Variants in ANK2 observed in about 807,000 individuals in gnomAD.
The protein encoded by ANK2 is ankyrin-2.
ANK2 carries 83 observed loss-of-function variants against 360.5 expected under a neutral mutation model. That is an observed-to-expected ratio of 0.23 (90% CI 0.19 to 0.28). The LOEUF (loss-of-function observed/expected upper bound fraction) is 0.28. ANK2 is among the 10% of genes least tolerant of loss of function. The probability of loss-of-function intolerance (pLI) is 1.00; values close to 1 mark genes in which losing one functional copy is unlikely to be tolerated. For missense variants in ANK2, 4,201 were observed against 4,795.7 expected (o/e 0.88, Z 3.66); for synonymous variants, 1,740 against 1,759.5 (o/e 0.99, Z 0.28).
chr4:113,071,254 C>T (rs890643873), intron 1 of ANK2, among the ~76,000 whole-genome samples: 1 of 152,202 alleles, frequency 6.6e-6, no homozygotes, highest in African/African-American at 2.4e-5. Flanking sequence ...GGTACAAGCA[C>T]TGGCGCGTGT....
chr4:113,275,813 C>T (rs1296459283), intron 15 of ANK2, among the ~76,000 whole-genome samples: 1 of 149,816 alleles, frequency 6.7e-6, no homozygotes, highest in Admixed American at 6.7e-5. Context: ...AATTAAGATA[C>T]ATAAAATACA....
chr4:112,777,259 G>C, the ANK2 span, among the ~76,000 whole-genome samples: 1 of 152,166 alleles, frequency 6.6e-6, no homozygotes, highest in Admixed American at 6.5e-5. Flanking sequence ...TATTTTTTGA[G>C]ACAGAGTCTT....
chr4:113,239,548 G>A (rs144532896), intron 7 of ANK2, among the ~76,000 whole-genome samples: 1 of 152,038 alleles, frequency 6.6e-6, no homozygotes, highest in African/African-American at 2.4e-5. Flanking sequence ...GAAAATTCTG[G>A]AGAGTAAGAA....
In ANK2 at chr4:113,196,481, G is replaced by T. The variant is rs756169693; in HGVS notation, c.285+15G>T. ...CTGCCACTAAGGTAACATTTATGTT[G>T]GTAGAACATTTTTTTCCTTAGAAAA... is the stretch of plus-strand genomic sequence containing the variant. On this transcript the variant is annotated intron_variant, in intron 3 of 45. Transcript: ENST00000357077. 8.1e-6 allele frequency: 13 copies of T among 1,599,738 alleles called. No individual in the cohort carries two copies. In the African/African-American group the frequency reaches 1.6e-4, roughly 20 times the overall value.
the ANK2 span, among the ~76,000 whole-genome samples, chr4:112,757,791 A>C: frequency 6.6e-6 from 1 of 152,334 alleles, no homozygotes; most frequent in South Asian, 2.1e-4. Flanking sequence ...ATAAAACAGG[A>C]ATAAAGAAAG....
In ANK2 at chr4:112,978,803, G is replaced by C. The variant is rs377678511; in HGVS notation, c.21+74289G>C. On this transcript the variant is annotated intron_variant, in intron 2 of 30. Transcript: ENST00000503271. ...TCTAAGCCTATAATTTTACCAATTTGAAAATGCCTCAGCAATGATGAATTT... is the reference window on the plus strand; with the variant it reads ...TCTAAGCCTATAATTTTACCAATTTCAAAATGCCTCAGCAATGATGAATTT... Among the ~76,000 whole-genome samples, 177 of 152,214 alleles carry C rather than the reference G, an allele frequency of 1.2e-3. 9 individuals are homozygous for C. The South Asian group carries it at 0.029, about 25-fold the overall frequency.
Position 112,965,791 on chromosome 4 carries a change from T to A in ANK2, c.21+61277T>A, listed in dbSNP as rs116258527. Among the ~76,000 whole-genome samples the A allele has an allele frequency of 8.7e-3, 1,326 of 152,320 alleles. 19 individuals are homozygous for A. Among genetic ancestry groups the A allele is most frequent in the African/African-American group, 0.03 (1,232 of 41,578 alleles). On this transcript the variant is annotated intron_variant, in intron 2 of 30. Transcript: ENST00000503271. ...ATGAATTCACTGTAGGTGTATGAAT[T>A]TGTTTTTGGGTTCTCTATTCTCGAT...
At chr4:112,764,707 C>CT in the ANK2 span, among the ~76,000 whole-genome samples, 11,678 of 132,922 alleles carry the variant, frequency 0.088, 559 homozygotes, top group East Asian at 0.12. Context: ...GAAAAGTTAT[C>CT]TTTTTTTTTT....
chr4:112,858,671 T>C (rs764912305), intron 1 of ANK2, among the ~76,000 whole-genome samples: 1 of 152,248 alleles, frequency 6.6e-6, no homozygotes, highest in Non-Finnish European at 1.5e-5. Flanking sequence ...TCTAGGACTA[T>C]TGCTGTCACA....
intron 10 of ANK2, among the ~76,000 whole-genome samples, 169 bp from the exon 11 acceptor site, chr4:113,255,566 G>A (rs1317355355): frequency 6.6e-6 from 1 of 151,870 alleles, no homozygotes; most frequent in East Asian, 1.9e-4. Context: ...ATCTCTTAGT[G>A]TTCATCTCTG....
Position 113,354,925 on chromosome 4 carries a change from G to A in ANK2, c.6307G>A (p.Glu2103Lys). Reference sequence around the variant, plus strand: ...ACCTGTTCAGTCAGTGCCTGAAGAAGAAAGCCACAGAGAGAGCGAAGTGCC... The same window carrying A: ...ACCTGTTCAGTCAGTGCCTGAAGAAAAAAGCCACAGAGAGAGCGAAGTGCC... Reference protein sequence around the residue: ...PEPVQSVPEEESHRESEVPKE... With the variant: ...PEPVQSVPEEKSHRESEVPKE... Residue 2103 changes from glutamate (E) to lysine (K), a missense_variant, in exon 38 of 46, where the codon GAA (glutamate) becomes AAA (lysine). This residue lies in a region of ANK2 where 2,642 missense variants were observed against 2,714.5 expected (regional missense o/e 0.97). Coordinates refer to ENST00000357077, the MANE Select transcript of ANK2 (RefSeq NM_001148.6). 1 of 1,614,082 alleles carries A rather than the reference G, an allele frequency of 6.2e-7. No individual in the cohort carries two copies. Among genetic ancestry groups the A allele is most frequent in the Non-Finnish European group, 8.5e-7 (1 of 1,180,000 alleles).
At chr4:112,843,178 A>C (rs990924239) in intron 1 of ANK2, among the ~76,000 whole-genome samples, 2 of 152,250 alleles carry the variant, frequency 1.3e-5, no homozygotes, top group African/African-American at 4.8e-5. Context: ...ATAAAATGAC[A>C]TTTAAGGGTT....
At chr4:113,109,848 T>G (rs2154364959) in intron 1 of ANK2, among the ~76,000 whole-genome samples, 1 of 152,312 alleles carries the variant, frequency 6.6e-6, no homozygotes, top group African/African-American at 2.4e-5. Flanking sequence ...ATACAGGTGC[T>G]TAGTGTTTTG....
chr4:112,922,195 AGGAC>A (rs1276735367), intron 2 of ANK2, among the ~76,000 whole-genome samples: 1 of 152,180 alleles, frequency 6.6e-6, no homozygotes, highest in Non-Finnish European at 1.5e-5. Flanking sequence ...AAGAGTTTTT[AGGAC>A]AGAAAGCATT....
intron 2 of ANK2, among the ~76,000 whole-genome samples, chr4:112,970,692 T>C (rs1303274148): frequency 6.6e-6 from 1 of 152,222 alleles, no homozygotes; most frequent in Non-Finnish European, 1.5e-5. Flanking sequence ...TATATCTATT[T>C]AATGGTGGGG....
At position 113,382,768 on chromosome 4, in the gene ANK2, CA is replaced by C. The variant is rs2097192461; in HGVS notation, c.*1298del. On this transcript the variant is annotated 3_prime_UTR_variant, in exon 46 of 46. Transcript: ENST00000357077. ...TTCCATTCTTTTTACCCTGAGTGAGCACTTTTCACTTTCCAGCTAGGTCTGT... is the reference window on the plus strand; with the variant it reads ...TTCCATTCTTTTTACCCTGAGTGAGCCTTTTCACTTTCCAGCTAGGTCTGT... 1 of 152,116 alleles carries C rather than the reference CA, an allele frequency of 6.6e-6. No individual in the cohort carries two copies. Among genetic ancestry groups the C allele is most frequent in the Non-Finnish European group, 1.5e-5 (1 of 68,030 alleles). The allele number at this position is 152,116 out of a possible 1,614,324, so 9.4% of individuals were successfully genotyped here.
intron 4 of ANK2, among the ~76,000 whole-genome samples, chr4:113,216,903 A>G (rs887228348): frequency 2.0e-5 from 3 of 150,090 alleles, no homozygotes; most frequent in African/African-American, 7.3e-5. Flanking sequence ...TTTTTTTTTT[A>G]AAGGAAAGGC....
chr4:113,158,563 G>A (rs1457486929), intron 1 of ANK2, among the ~76,000 whole-genome samples: 1 of 152,188 alleles, frequency 6.6e-6, no homozygotes, highest in African/African-American at 2.4e-5. Flanking sequence ...TATCTTGGTG[G>A]AATGCCACAG....
rs569589925 is a variant in ANK2, at chr4:113,328,437, CTAGAAGTGT to C, written c.2901-1806_2901-1798del. 2.2e-4 allele frequency among the ~76,000 whole-genome samples: 34 copies of C among 152,226 alleles called. No individual in the cohort carries two copies. The South Asian group carries it at 6.8e-3, about 31-fold the overall frequency. On this transcript the variant is annotated intron_variant, in intron 26 of 45. Transcript: ENST00000357077. ...ATGGAAAGGAAAACTTTACATCTGT[CTAGAAGTGT>C]TACCAGTATTTTCATTCTTTTGAGC...
Sources: gnomAD v4.1 joint callset for allele counts (sites outside exome capture counted in the v4.1 genomes callset) on GRCh38, gnomAD v4.1.1 for gene constraint, gnomAD v4.1.1 regional missense constraint, MANE v1.5 for transcripts, NCBI Gene and HGNC (gene_info 2026-07-23, HGNC 2026-07-21) for gene names.